CFAP44: variants seen among roughly 807,000 people sequenced by gnomAD.
The protein encoded by CFAP44 is cilia and flagella associated protein 44.
A neutral mutation model predicts 216.2 loss-of-function variants in CFAP44; 134 were observed. The observed-to-expected ratio is 0.62, with a 90% CI of 0.54 to 0.72. The LOEUF (loss-of-function observed/expected upper bound fraction) is 0.72, where lower values mean the gene tolerates loss of function less well. CFAP44 is among the 30% of genes least tolerant of loss of function. The pLI is 0.00. For missense variants in CFAP44, 2,035 were observed against 2,182.1 expected, an observed-to-expected ratio of 0.93 and a Z score of 1.34; for synonymous variants, 700 against 727.6, an observed-to-expected ratio of 0.96 and a Z score of 0.61.
chr3:113,362,986 C>A, intron 21 of CFAP44, 159 bp downstream of exon 21: 1 of 1,372,882 alleles, frequency 7.3e-7, no homozygotes, highest in Non-Finnish European at 9.3e-7. Flanking sequence ...ACCCCACATA[C>A]AAATTAAAAG....
intron 22 of CFAP44, among the ~76,000 whole-genome samples, chr3:113,357,917 A>G (rs577755608): frequency 6.6e-6 from 1 of 152,212 alleles, no homozygotes; most frequent in Non-Finnish European, 1.5e-5. Context: ...TATTTATGGT[A>G]GCCAAAAATA....
intron 31 of CFAP44, 80 bp from the exon 32 acceptor site, chr3:113,304,197 T>G: frequency 1.1e-4 from 143 of 1,333,440 alleles, no homozygotes; most frequent in Non-Finnish European, 1.3e-4. Context: ...AGAGGTGCAC[T>G]TCCTTCTTTG....
At chr3:113,388,910 C>A (rs3912553) in intron 15 of CFAP44, among the ~76,000 whole-genome samples, 10,983 of 152,090 alleles carry the variant, frequency 0.072, 449 homozygotes, top group East Asian at 0.15. Flanking sequence ...AGAGATCAAC[C>A]CCAATACAAC....
intron 32 of CFAP44, among the ~76,000 whole-genome samples, chr3:113,300,673 A>G (rs1358779227): frequency 1.3e-5 from 2 of 152,110 alleles, no homozygotes; most frequent in Admixed American, 1.3e-4. Flanking sequence ...AAACAAATCA[A>G]GAGAAAAATG....
At chr3:113,426,398 A>G in intron 3 of CFAP44, 121 bp from the exon 4 acceptor site, 3 of 1,060,496 alleles carry the variant, frequency 2.8e-6, no homozygotes, top group Non-Finnish European at 4.0e-6. Context: ...GGTAGGAGGT[A>G]ATTGAATCAC....
intron 1 of CFAP44, among the ~76,000 whole-genome samples, 170 bp downstream of exon 1, chr3:113,441,283 G>A (rs964266149): frequency 6.6e-6 from 1 of 152,334 alleles, no homozygotes; most frequent in African/African-American, 2.4e-5. Flanking sequence ...GTCTAGCTCC[G>A]AGCCTGAGAA....
At chr3:113,342,602 G>A (rs148268161) in intron 23 of CFAP44, among the ~76,000 whole-genome samples, 198 of 152,126 alleles carry the variant, frequency 1.3e-3, no homozygotes, top group African/African-American at 4.5e-3. Flanking sequence ...AGTCCAATTC[G>A]ATACATACAA....
chr3:113,374,906 G>C (rs906673582), intron 17 of CFAP44, among the ~76,000 whole-genome samples: 5 of 152,152 alleles, frequency 3.3e-5, no homozygotes, highest in African/African-American at 1.2e-4. Context: ...AAAGTGCTAG[G>C]ATTACAGGCG....
intron 22 of CFAP44, among the ~76,000 whole-genome samples, chr3:113,347,722 C>T (rs1396526318): frequency 3.3e-5 from 5 of 152,158 alleles, no homozygotes; most frequent in African/African-American, 1.2e-4. Context: ...AAATGATATC[C>T]TTCCTATTCA....
rs1934654064 is a variant in CFAP44, at chr3:113,416,587, C to T, written c.611G>A (p.Gly204Glu). ...HKTYFTVAEK[G>E]SFPDIIIYEY... ...ATAGATGATAATATCTGGAAAACTCCCTTTTTCAGCTACTGTGAAATAAGT... is the reference window on the plus strand; with the variant it reads ...ATAGATGATAATATCTGGAAAACTCTCTTTTTCAGCTACTGTGAAATAAGT... The change falls in exon 6 of 35, where the codon GGG becomes GAG. Residue 204 changes from glycine to glutamate, a missense_variant. By Grantham distance (98) the Gly-to-Glu change is moderately conservative. Around this residue, in one of 3 missense-constraint regions of CFAP44, gnomAD observed 1,883 missense variants for 2,023.7 expected, o/e 0.93. Transcript: ENST00000393845. The T allele has an allele frequency of 6.2e-7, 1 of 1,612,432 alleles. No individual in the cohort carries two copies.
chr3:113,344,388 C>G (rs1029153720), intron 23 of CFAP44, 128 bp downstream of exon 23: 53 of 774,578 alleles, frequency 6.8e-5, no homozygotes, highest in Non-Finnish European at 9.6e-5. Flanking sequence ...AGAAAACCAT[C>G]ATGGAAGGAA....
At chr3:113,319,511 A>G (rs978279276) in intron 28 of CFAP44, among the ~76,000 whole-genome samples, 3 of 152,200 alleles carry the variant, frequency 2.0e-5, no homozygotes, top group African/African-American at 7.2e-5. Flanking sequence ...TCCCACTGAC[A>G]GCATTAGACA....
intron 22 of CFAP44, among the ~76,000 whole-genome samples, chr3:113,347,348 G>A (rs893454982): frequency 2.6e-5 from 4 of 152,084 alleles, no homozygotes; most frequent in Admixed American, 6.5e-5. Context: ...AGCCATGAGT[G>A]GAACTCTCAA....
At chr3:113,399,565 G>A in intron 13 of CFAP44, among the ~76,000 whole-genome samples, 1 of 151,996 alleles carries the variant, frequency 6.6e-6, no homozygotes, top group East Asian at 1.9e-4. Context: ...CTAAAACAAG[G>A]CCTGGCACAT....
chr3:113,439,829 C>T lies in CFAP44; in HGVS notation c.-6+1624G>A, dbSNP rs573236268. Among the ~76,000 whole-genome samples, 4 of 152,308 alleles carry T rather than the reference C, an allele frequency of 2.6e-5. 1 individual carries two copies. In the South Asian group the frequency reaches 8.3e-4, roughly 32 times the overall value. On this transcript the variant is annotated intron_variant, in intron 1 of 34. Coordinates refer to ENST00000393845, the MANE Select transcript of CFAP44 (RefSeq NM_001164496.2). ...AGGTTCTGGTCCTCATGCTCACAAG[C>T]TCACTCAATCCCAGCAGTGTGCCAG...
chr3:113,431,764 G>A (rs1293385747), intron 2 of CFAP44, among the ~76,000 whole-genome samples: 1 of 152,150 alleles, frequency 6.6e-6, no homozygotes, highest in Non-Finnish European at 1.5e-5. Flanking sequence ...TTTTGCATGT[G>A]TATTGATTTT....
chr3:113,390,281 T>A (rs151237099), intron 15 of CFAP44, among the ~76,000 whole-genome samples: 1 of 152,230 alleles, frequency 6.6e-6, no homozygotes, highest in East Asian at 1.9e-4. Flanking sequence ...AAAATGCACT[T>A]GATAAAATTC....
At chr3:113,441,264 GCA>G (rs1278290182) in intron 1 of CFAP44, among the ~76,000 whole-genome samples, 187 bp downstream of exon 1, 20 of 152,360 alleles carry the variant, frequency 1.3e-4, no homozygotes, top group African/African-American at 4.1e-4. Flanking sequence ...CAGGAACCGT[GCA>G]CACAGTGTCT....
At chr3:113,320,409 T>C (rs1257700539) in intron 28 of CFAP44, among the ~76,000 whole-genome samples, 1 of 142,230 alleles carries the variant, frequency 7.0e-6, no homozygotes, top group African/African-American at 2.6e-5. Context: ...AGCAGATATA[T>C]ACATGATATA....
Sources: gnomAD v4.1 joint callset for allele counts (sites outside exome capture counted in the v4.1 genomes callset) on GRCh38, gnomAD v4.1.1 for gene constraint, gnomAD v4.1.1 regional missense constraint, MANE v1.5 for transcripts, NCBI Gene and HGNC (gene_info 2026-07-23, HGNC 2026-07-21) for gene names.